Variants in ANK2 observed in about 807,000 individuals in gnomAD.
The protein encoded by ANK2 is ankyrin-2.
ANK2 carries 83 observed loss-of-function variants against 360.5 expected under a neutral mutation model. The observed-to-expected ratio is 0.23, with a 90% confidence interval of 0.19 to 0.28. The LOEUF (loss-of-function observed/expected upper bound fraction) is 0.28, where lower values mean the gene tolerates loss of function less well. Among genes scored for constraint, ANK2 ranks in the 10% least tolerant of loss-of-function variants. ANK2 has a pLI of 1.00. For synonymous variants in ANK2, 1,740 were observed against 1,759.5 expected, an observed-to-expected ratio of 0.99 and a Z score of 0.28; for missense variants, 4,201 against 4,795.7, an observed-to-expected ratio of 0.88 and a Z score of 3.66.
chr4:113,157,052 T>G (rs1186840515), intron 1 of ANK2, among the ~76,000 whole-genome samples: 2 of 152,160 alleles, frequency 1.3e-5, no homozygotes, highest in Non-Finnish European at 2.9e-5. Flanking sequence ...ATTTCTATGT[T>G]TCTTAAGGTT....
the ANK2 span, among the ~76,000 whole-genome samples, chr4:112,724,282 C>G: frequency 6.6e-6 from 1 of 151,996 alleles, no homozygotes; most frequent in African/African-American, 2.4e-5. Flanking sequence ...CTAGGCTGGT[C>G]TTGAATTCCT....
In ANK2 at chr4:112,909,132, G is replaced by T. The variant is rs182806505; in HGVS notation, c.21+4618G>T. 5.9e-5 allele frequency among the ~76,000 whole-genome samples: 9 copies of T among 152,248 alleles called. No homozygotes were observed. The East Asian group carries it at 1.7e-3, about 29-fold the overall frequency. ...TGCATTAACGTGATTATTGATAATT[G>T]TATATTTCTGTTTGCATGTGATGCC... On this transcript the variant is annotated intron_variant, in intron 2 of 30. Coordinates refer to the ANK2 transcript ENST00000503271.
chr4:112,908,226 T>G (rs1370577502), intron 2 of ANK2, among the ~76,000 whole-genome samples: 1 of 152,248 alleles, frequency 6.6e-6, no homozygotes, highest in Non-Finnish European at 1.5e-5. Flanking sequence ...GAGGGCCGTT[T>G]AACTTGAGTT....
chr4:112,957,057 C>T (rs531758437), intron 2 of ANK2, among the ~76,000 whole-genome samples: 15 of 117,166 alleles, frequency 1.3e-4, no homozygotes, highest in South Asian at 8.7e-4. Context: ...GGGTGTTTCT[C>T]GCAGAGGGGG....
At chr4:113,262,885 C>T (rs2053752508) in intron 13 of ANK2, among the ~76,000 whole-genome samples, 1 of 151,706 alleles carries the variant, frequency 6.6e-6, no homozygotes. Flanking sequence ...AGAGGGACAA[C>T]TGTAGTTAGA....
chr4:113,208,856 T>C (rs1299545500), intron 4 of ANK2, among the ~76,000 whole-genome samples: 1 of 151,926 alleles, frequency 6.6e-6, no homozygotes, highest in Non-Finnish European at 1.5e-5. Context: ...GCATTTGAAC[T>C]GCTTGTTATA....
At chr4:112,768,328 A>G in the ANK2 span, among the ~76,000 whole-genome samples, 8 of 151,998 alleles carry the variant, frequency 5.3e-5, no homozygotes, top group Non-Finnish European at 1.2e-4. Context: ...ATCTTGGCTC[A>G]CTACAACCTC....
chr4:113,104,271 C>T (rs969523506), intron 1 of ANK2, among the ~76,000 whole-genome samples: 2 of 152,038 alleles, frequency 1.3e-5, no homozygotes, highest in Non-Finnish European at 2.9e-5. Flanking sequence ...GGTAGGAAGT[C>T]TGGGCTGGGA....
At chr4:112,754,662 C>G in the ANK2 span, among the ~76,000 whole-genome samples, 15 of 152,118 alleles carry the variant, frequency 9.9e-5, no homozygotes, top group Admixed American at 8.5e-4. Context: ...CTAGAGCACT[C>G]TCATGTGGCT....
chr4:112,975,888 C>T (rs1051760831), intron 2 of ANK2, among the ~76,000 whole-genome samples: 9 of 152,038 alleles, frequency 5.9e-5, no homozygotes, highest in South Asian at 2.1e-4. Context: ...TCTATGGGTA[C>T]GTTTGGATAT....
At chr4:113,120,758 C>G (rs2095300480) in intron 1 of ANK2, among the ~76,000 whole-genome samples, 2 of 152,094 alleles carry the variant, frequency 1.3e-5, no homozygotes, top group Non-Finnish European at 2.9e-5. Context: ...TGTCCCTCCT[C>G]CCAACCTGCA....
chr4:113,265,825 T>C (rs2055676727), intron 14 of ANK2, among the ~76,000 whole-genome samples: 1 of 152,196 alleles, frequency 6.6e-6, no homozygotes, highest in Non-Finnish European at 1.5e-5. Context: ...CAATATTTGA[T>C]ATACCTAAGT....
chr4:113,010,129 C>T (rs182142549), intron 2 of ANK2, among the ~76,000 whole-genome samples: 4 of 152,202 alleles, frequency 2.6e-5, no homozygotes, highest in African/African-American at 9.6e-5. Flanking sequence ...TTTGAAGGAA[C>T]TGTATTGTGT....
In ANK2 at chr4:113,345,344, C is replaced by T. The variant is rs906519051; in HGVS notation, c.4249-556C>T. 2.0e-5 allele frequency among the ~76,000 whole-genome samples: 3 copies of T among 152,144 alleles called. No individual in the cohort carries two copies. The South Asian group carries it at 6.2e-4, about 32-fold the overall frequency. Reference sequence around the variant, plus strand: ...GACAGTTTCGGCATAGGATGAAAAACATTCTGGATAGAAGTAATGATTATA... The same window carrying T: ...GACAGTTTCGGCATAGGATGAAAAATATTCTGGATAGAAGTAATGATTATA... On this transcript the variant is annotated intron_variant, in intron 34 of 45. Transcript: ENST00000357077.
At chr4:112,761,719 C>G in the ANK2 span, among the ~76,000 whole-genome samples, 77 of 152,266 alleles carry the variant, frequency 5.1e-4, no homozygotes, top group African/African-American at 1.8e-3. Context: ...TAATAAATGC[C>G]TACAAAATGC....
At chr4:113,350,187 C>G in intron 36 of ANK2, 41 bp from the exon 37 acceptor site, 1 of 1,590,078 alleles carries the variant, frequency 6.3e-7, no homozygotes, top group Middle Eastern at 1.7e-4. Context: ...TGAGCCAAGG[C>G]AGTATTTGTA....
intron 2 of ANK2, among the ~76,000 whole-genome samples, chr4:113,018,631 T>C (rs955038618): frequency 6.6e-6 from 1 of 152,196 alleles, no homozygotes; most frequent in South Asian, 2.1e-4. Context: ...ATACCAATTC[T>C]AGCACCTGCA....
intron 20 of ANK2, among the ~76,000 whole-genome samples, chr4:113,290,162 G>GTT (rs201484217): frequency 6.9e-6 from 1 of 144,526 alleles, no homozygotes. Context: ...TATCATTTCA[G>GTT]TTTTTTTTGT....
the ANK2 span, among the ~76,000 whole-genome samples, chr4:112,734,554 C>G: frequency 6.6e-6 from 1 of 152,180 alleles, no homozygotes; most frequent in African/African-American, 2.4e-5. Flanking sequence ...TGCCTGCTAT[C>G]AAGTAGCTGG....
Sources: allele counts gnomAD v4.1 joint callset (sites outside exome capture counted in the v4.1 genomes callset), GRCh38; gene constraint gnomAD v4.1.1; transcripts MANE v1.5; gene names NCBI Gene and HGNC (gene_info 2026-07-23, HGNC 2026-07-21).